CNTN4: variants seen among roughly 807,000 people sequenced by gnomAD.
CNTN4 encodes the protein contactin-4.
Under a neutral mutation model 122.5 loss-of-function variants are expected in CNTN4, and 77 were observed. The observed-to-expected ratio is 0.63, with a 90% CI of 0.52 to 0.76. CNTN4 has a LOEUF of 0.76. Ranked by LOEUF, CNTN4 falls within the 30% of genes least tolerant of loss-of-function variation. The probability of loss-of-function intolerance (pLI) is 0.00; values close to 1 mark genes in which losing one functional copy is unlikely to be tolerated. For missense variants in CNTN4, 1,256 were observed against 1,259.1 expected (o/e 1.00, Z 0.04); for synonymous variants, 512 against 447.0 (o/e 1.15, Z -1.83).
intron 4 of CNTN4, among the ~76,000 whole-genome samples, chr3:2,579,698 T>C (rs2079851410): frequency 6.6e-6 from 1 of 152,224 alleles, no homozygotes; most frequent in African/African-American, 2.4e-5. Flanking sequence ...ATTTAACATA[T>C]GTTGAAGGTT....
chr3:2,136,923 C>T (rs193047104), intron 2 of CNTN4, among the ~76,000 whole-genome samples: 22 of 152,206 alleles, frequency 1.4e-4, no homozygotes, highest in African/African-American at 4.3e-4. Flanking sequence ...GCATGCCATC[C>T]GGTTTTATAT....
intron 3 of CNTN4, among the ~76,000 whole-genome samples, chr3:2,387,623 A>G (rs1009400018): frequency 2.6e-5 from 4 of 152,186 alleles, no homozygotes; most frequent in Non-Finnish European, 4.4e-5. Flanking sequence ...AAGGAATATA[A>G]TGATCATAAA....
At chr3:2,466,970 C>CTTTTTTTTTTTTT (rs60879017) in intron 3 of CNTN4, among the ~76,000 whole-genome samples, 125 of 115,770 alleles carry the variant, frequency 1.1e-3, no homozygotes, top group East Asian at 1.8e-3. Flanking sequence ...TTCTTTCTTT[C>CTTTTTTTTTTTTT]TTTTTTTTTT....
intron 2 of CNTN4, among the ~76,000 whole-genome samples, chr3:2,233,011 A>C (rs143436106): frequency 4.7e-4 from 71 of 152,260 alleles, no homozygotes; most frequent in Middle Eastern, 3.4e-3. Context: ...TCTGATAGAA[A>C]TCTGAGTGCA....
intron 2 of CNTN4, among the ~76,000 whole-genome samples, chr3:2,332,027 C>T (rs768849030): frequency 6.6e-6 from 1 of 152,126 alleles, no homozygotes; most frequent in Non-Finnish European, 1.5e-5. Flanking sequence ...TTTGCTGGCC[C>T]TGGGTCTCTT....
chr3:2,143,032 C>A (rs1291824911), intron 2 of CNTN4, among the ~76,000 whole-genome samples: 1 of 152,126 alleles, frequency 6.6e-6, no homozygotes, highest in Non-Finnish European at 1.5e-5. Flanking sequence ...ATGCTTTGAG[C>A]CTTCATTACG....
chr3:2,769,909 G>A (rs1030310201), intron 6 of CNTN4, among the ~76,000 whole-genome samples: 5 of 152,152 alleles, frequency 3.3e-5, no homozygotes, highest in African/African-American at 4.8e-5. Context: ...ATTCCCTAGA[G>A]GCCATCTCTT....
chr3:2,267,315 A>G (rs2041093158), intron 2 of CNTN4, among the ~76,000 whole-genome samples: 1 of 152,136 alleles, frequency 6.6e-6, no homozygotes, highest in South Asian at 2.1e-4. Context: ...TAGGAAGAAC[A>G]CTATTTCAAA....
At chr3:2,973,899 A>G (rs890475458) in intron 13 of CNTN4, among the ~76,000 whole-genome samples, 2 of 152,220 alleles carry the variant, frequency 1.3e-5, no homozygotes, top group African/African-American at 2.4e-5. Context: ...GAGGAAGTTG[A>G]TCATGGGAGA....
intron 4 of CNTN4, among the ~76,000 whole-genome samples, chr3:2,687,593 T>C (rs2085502782): frequency 6.6e-6 from 1 of 152,174 alleles, no homozygotes; most frequent in Admixed American, 6.6e-5. Context: ...GAGGTTGCAA[T>C]GAGCCAAGAT....
chr3:2,162,359 T>C (rs2036002712), intron 2 of CNTN4, among the ~76,000 whole-genome samples: 1 of 152,248 alleles, frequency 6.6e-6, no homozygotes, highest in Non-Finnish European at 1.5e-5. Flanking sequence ...AACAGAATCC[T>C]GTTATTGCCA....
At chr3:2,896,200 A>T (rs770241283) in intron 10 of CNTN4, among the ~76,000 whole-genome samples, 1 of 152,144 alleles carries the variant, frequency 6.6e-6, no homozygotes, top group Admixed American at 6.5e-5. Context: ...TCAGCAAAGT[A>T]TGTGTATGTT....
intron 3 of CNTN4, among the ~76,000 whole-genome samples, chr3:2,570,252 C>T (rs148413037): frequency 6.6e-6 from 1 of 152,048 alleles, no homozygotes; most frequent in Non-Finnish European, 1.5e-5. Context: ...TGGCTCACTG[C>T]AGCCTCGAAC....
intron 3 of CNTN4, among the ~76,000 whole-genome samples, chr3:2,535,380 T>A (rs1407716067): frequency 6.6e-6 from 1 of 152,174 alleles, no homozygotes; most frequent in East Asian, 1.9e-4. Context: ...TAAGTTTCAG[T>A]TTTCAATTCT....
intron 3 of CNTN4, among the ~76,000 whole-genome samples, chr3:2,345,682 C>T (rs2044373927): frequency 6.6e-6 from 1 of 151,890 alleles, no homozygotes; most frequent in Non-Finnish European, 1.5e-5. Context: ...TGATAACATA[C>T]AAGTAGAAAA....
At chr3:2,978,748 A>G (rs1693662635) in intron 13 of CNTN4, among the ~76,000 whole-genome samples, 1 of 152,052 alleles carries the variant, frequency 6.6e-6, no homozygotes, top group Admixed American at 6.5e-5. Flanking sequence ...CCCTCATTCT[A>G]GGGCATCGCT....
At chr3:2,607,592 G>A (rs529079601) in intron 4 of CNTN4, among the ~76,000 whole-genome samples, 2 of 24,334 alleles carry the variant, frequency 8.2e-5, no homozygotes, top group Admixed American at 3.9e-4. Context: ...AATAATACGT[G>A]TGTATATACA....
intron 4 of CNTN4, among the ~76,000 whole-genome samples, chr3:2,653,142 C>CT (rs1488716278): frequency 6.6e-6 from 1 of 151,948 alleles, no homozygotes; most frequent in Admixed American, 6.6e-5. Flanking sequence ...TTAAAACATA[C>CT]GCGTTAATAC....
At chr3:2,758,030 C>T (rs2090417531) in intron 6 of CNTN4, among the ~76,000 whole-genome samples, 1 of 151,798 alleles carries the variant, frequency 6.6e-6, no homozygotes, top group Admixed American at 6.6e-5. Context: ...TTTTTTTTCC[C>T]CTCAAATTGA....
Sources: gnomAD v4.1 joint callset for allele counts (sites outside exome capture counted in the v4.1 genomes callset) on GRCh38, gnomAD v4.1.1 for gene constraint, MANE v1.5 for transcripts, NCBI Gene and HGNC (gene_info 2026-07-23, HGNC 2026-07-21) for gene names.